Variants in RORA observed in about 807,000 individuals in gnomAD.
RORA encodes nuclear receptor ROR-alpha.
Under a neutral mutation model 69.5 loss-of-function variants are expected in RORA, and 7 were observed. The ratio of observed to expected loss-of-function variants is 0.10; its 90% CI spans 0.06 to 0.19. RORA has a LOEUF of 0.19. Among genes scored for constraint, RORA ranks in the 10% least tolerant of loss-of-function variants. RORA has a pLI of 1.00. For synonymous variants in RORA, 261 were observed against 240.8 expected, an observed-to-expected ratio of 1.08 and a Z score of -0.78; for missense variants, 457 against 663.0, an observed-to-expected ratio of 0.69 and a Z score of 3.41.
intron 1 of RORA, among the ~76,000 whole-genome samples, chr15:60,714,356 G>A (rs2071191638): frequency 6.6e-6 from 1 of 151,514 alleles, no homozygotes; most frequent in African/African-American, 2.4e-5. Flanking sequence ...ACCGCATCTG[G>A]CCAATTCTTT....
chr15:60,759,859 A>T (rs938403031), intron 1 of RORA, among the ~76,000 whole-genome samples: 8 of 152,304 alleles, frequency 5.3e-5, no homozygotes, highest in African/African-American at 1.9e-4. Flanking sequence ...AGGAGGGGGA[A>T]ATATGATTTG....
At position 61,119,087 on chromosome 15, in the gene RORA, G is replaced by T. The variant is rs1045911919; in HGVS notation, c.166+109966C>A. Among the ~76,000 whole-genome samples, 23 of 134,250 alleles carry T rather than the reference G, an allele frequency of 1.7e-4. No homozygotes were observed. In the South Asian group the frequency reaches 3.9e-3, roughly 23 times the overall value. 88.1% of individuals were successfully genotyped at this position (134,250 alleles called of 152,430 possible). A position where few individuals can be genotyped will look rare whatever the true frequency, so the allele number is the denominator to read the frequency against. Reference sequence around the variant, plus strand: ...GGAAGATGCAGTTAACAGAAGGGGGGGGGGGGCGCCATGGAGCAGTCGTGT... The same window carrying T: ...GGAAGATGCAGTTAACAGAAGGGGGTGGGGGGCGCCATGGAGCAGTCGTGT... On this transcript the variant is annotated intron_variant, in intron 1 of 10. Transcript: ENST00000335670.
rs2065905829 is a variant in RORA at position 60,516,077 on chromosome 15, T to TTATTTATA, written c.283-1328_283-1321dup. On this transcript the variant is annotated intron_variant, in intron 3 of 10. Coordinates refer to ENST00000335670, the MANE Select transcript of RORA (RefSeq NM_134261.3). Reference sequence around the variant, plus strand: ...TATATTTATATATATTTATATATATTTATTTATATATATTTATATATATTT... The same window carrying TTATTTATA: ...TATATTTATATATATTTATATATATTTATTTATATATTTATATATATTTATATATATTT... 9.9e-5 allele frequency among the ~76,000 whole-genome samples: 3 copies of TTATTTATA among 30,412 alleles called. 1 individual carries two copies. The South Asian group carries it at 2.0e-3, about 20-fold the overall frequency. The allele number at this position is 30,412 out of a possible 152,430, so 20.0% of individuals were successfully genotyped here. A position where few individuals can be genotyped will look rare whatever the true frequency, so the allele number is the denominator to read the frequency against.
intron 1 of RORA, among the ~76,000 whole-genome samples, chr15:60,723,527 G>A (rs2071319501): frequency 6.6e-6 from 1 of 152,190 alleles, no homozygotes; most frequent in East Asian, 1.9e-4. Flanking sequence ...CTTTCTCAGT[G>A]TAATGATTTG....
intron 2 of RORA, chr15:60,592,291 T>A: frequency 2.3e-6 from 2 of 888,490 alleles, no homozygotes; most frequent in South Asian, 7.4e-5. Flanking sequence ...AGTACGTGCG[T>A]TCGGGCAGGC....
In RORA at chr15:61,083,608, G is replaced by A. The variant is rs376976909; in HGVS notation, c.166+145445C>T. On this transcript the variant is annotated intron_variant, in intron 1 of 10. Transcript: ENST00000335670. ...TGTTGCCGACTCCACATCTGTTGCT[G>A]TGTTTGTTCATCTGGAAAGGATTCT... Among the ~76,000 whole-genome samples, 60 of 152,030 alleles carry A rather than the reference G, an allele frequency of 3.9e-4. 1 individual carries two copies. The East Asian group carries it at 0.011, about 27-fold the overall frequency.
At chr15:60,528,594 A>G (rs1260165314) in intron 3 of RORA, 1 of 152,276 alleles carries the variant, frequency 6.6e-6, no homozygotes, top group East Asian at 1.9e-4. Flanking sequence ...TACATAACAC[A>G]TTGCAAATGG....
intron 1 of RORA, among the ~76,000 whole-genome samples, chr15:61,149,792 C>G (rs1331758642): frequency 6.6e-6 from 1 of 152,206 alleles, no homozygotes; most frequent in Non-Finnish European, 1.5e-5. Context: ...AAAGCATCAA[C>G]TTGGAAGGCC....
At chr15:61,028,819 T>A (rs1212971911) in intron 1 of RORA, among the ~76,000 whole-genome samples, 1 of 152,196 alleles carries the variant, frequency 6.6e-6, no homozygotes, top group African/African-American at 2.4e-5. Flanking sequence ...GAAGTACTGA[T>A]TCACGCTAAA....
chr15:60,788,244 A>G (rs542528546), intron 1 of RORA, among the ~76,000 whole-genome samples: 1 of 152,148 alleles, frequency 6.6e-6, no homozygotes, highest in Non-Finnish European at 1.5e-5. Context: ...ATGTTGTTGC[A>G]CCAGGGTCCC....
At chr15:61,199,654 T>C (rs1487561304) in intron 1 of RORA, among the ~76,000 whole-genome samples, 1 of 152,034 alleles carries the variant, frequency 6.6e-6, no homozygotes, top group Non-Finnish European at 1.5e-5. Context: ...AGATAGAAGG[T>C]GAAAATATAT....
At chr15:61,062,965 C>T (rs2078207684) in intron 1 of RORA, among the ~76,000 whole-genome samples, 1 of 152,064 alleles carries the variant, frequency 6.6e-6, no homozygotes, top group Non-Finnish European at 1.5e-5. Flanking sequence ...ACAGAATTTA[C>T]ACAGTTGGAG....
intron 1 of RORA, among the ~76,000 whole-genome samples, chr15:60,976,121 C>G (rs1216526391): frequency 1.3e-5 from 2 of 152,184 alleles, no homozygotes; most frequent in Non-Finnish European, 2.9e-5. Context: ...GACAGCAGAT[C>G]GTCATTTCAC....
chr15:60,790,877 G>A (rs1467187240), intron 1 of RORA, among the ~76,000 whole-genome samples: 1 of 152,068 alleles, frequency 6.6e-6, no homozygotes, highest in African/African-American at 2.4e-5. Flanking sequence ...TGGTTCCAGG[G>A]TTACCACAGG....
At chr15:60,734,095 G>A (rs1367076259) in intron 1 of RORA, among the ~76,000 whole-genome samples, 1 of 152,166 alleles carries the variant, frequency 6.6e-6, no homozygotes, top group East Asian at 1.9e-4. Flanking sequence ...AGCCTCTTGA[G>A]CTTCTCAGAA....
At chr15:61,020,467 CA>C (rs1895471265) in intron 1 of RORA, among the ~76,000 whole-genome samples, 1 of 152,216 alleles carries the variant, frequency 6.6e-6, no homozygotes, top group Non-Finnish European at 1.5e-5. Flanking sequence ...CAATACTTTT[CA>C]GGCCCAATAT....
At chr15:60,577,512 T>A (rs1242453505) in intron 2 of RORA, among the ~76,000 whole-genome samples, 1 of 151,914 alleles carries the variant, frequency 6.6e-6, no homozygotes, top group Non-Finnish European at 1.5e-5. Context: ...GGTGTGGTGG[T>A]GCGTGTCTGT....
chr15:60,670,064 C>T (rs377141050), intron 2 of RORA, among the ~76,000 whole-genome samples: 3 of 152,154 alleles, frequency 2.0e-5, no homozygotes, highest in Non-Finnish European at 4.4e-5. Context: ...GTTCCTCAGA[C>T]CCCGATATTA....
Position 61,213,586 on chromosome 15 carries a change from T to C in RORA, c.166+15467A>G, listed in dbSNP as rs1596076774. Among the ~76,000 whole-genome samples the C allele has an allele frequency of 6.6e-6, 1 of 152,160 alleles. No individual in the cohort carries two copies. Among genetic ancestry groups the C allele is most frequent in the Non-Finnish European group, 1.5e-5 (1 of 68,040 alleles). On this transcript the variant is annotated intron_variant, in intron 1 of 10. Transcript: ENST00000335670. This position sits in a 1 kb window ranked among gnomAD's most constrained non-coding sequence, Gnocchi z 4.1. Reference sequence around the variant, plus strand: ...TTGGGTGCCTCAGCCTGGAATGCCCTGTCACTTTTTGCCAAAAGAATCTCC... The same window carrying C: ...TTGGGTGCCTCAGCCTGGAATGCCCCGTCACTTTTTGCCAAAAGAATCTCC...
Sources: gnomAD v4.1 joint callset for allele counts (sites outside exome capture counted in the v4.1 genomes callset) on GRCh38, gnomAD v4.1.1 for gene constraint, Gnocchi (gnomAD v3.1) non-coding constraint, MANE v1.5 for transcripts, NCBI Gene and HGNC (gene_info 2026-07-23, HGNC 2026-07-21) for gene names.